MARCHF1: variants seen among roughly 807,000 people sequenced by gnomAD.
MARCHF1 encodes the protein E3 ubiquitin-protein ligase MARCHF1.
Under a neutral mutation model 54.2 loss-of-function variants are expected in MARCHF1, and 40 were observed. The observed-to-expected ratio is 0.74, with a 90% CI of 0.57 to 0.96. MARCHF1 has a LOEUF of 0.96. Among genes scored for constraint, MARCHF1 ranks in the 40% least tolerant of loss-of-function variants. The pLI is 0.00. For missense variants in MARCHF1, 586 were observed against 656.5 expected (o/e 0.89, Z 1.17); for synonymous variants, 236 against 236.3 (o/e 1.00, Z 0.01).
At chr4:163,926,511 A>G (rs1406971281) in intron 3 of MARCHF1, among the ~76,000 whole-genome samples, 3 of 151,614 alleles carry the variant, frequency 2.0e-5, no homozygotes, top group African/African-American at 7.2e-5. Context: ...TAGTAATGGA[A>G]TTTCTGGCAA....
chr4:164,264,691 T>C (rs1733559769), intron 1 of MARCHF1, among the ~76,000 whole-genome samples: 1 of 151,946 alleles, frequency 6.6e-6, no homozygotes, highest in East Asian at 1.9e-4. Context: ...AGGCCGATGC[T>C]GGTGGATCAC....
chr4:163,566,033 G>C (rs547445572), intron 8 of MARCHF1, among the ~76,000 whole-genome samples: 1 of 152,200 alleles, frequency 6.6e-6, no homozygotes, highest in Non-Finnish European at 1.5e-5. Flanking sequence ...GAACATGCTT[G>C]TTTCCTTCCC....
chr4:164,276,559 T>A (rs554864934), intron 1 of MARCHF1, among the ~76,000 whole-genome samples: 3 of 151,304 alleles, frequency 2.0e-5, no homozygotes, highest in South Asian at 4.1e-4. Flanking sequence ...AGTATATATA[T>A]AAATTACAAT....
At chr4:163,959,221 T>C (rs1219258724) in intron 3 of MARCHF1, among the ~76,000 whole-genome samples, 2 of 151,722 alleles carry the variant, frequency 1.3e-5, no homozygotes, top group East Asian at 1.9e-4. Context: ...TTCAGAGTAG[T>C]TCATTAAGCA....
chr4:163,819,037 C>A (rs546691679), intron 4 of MARCHF1, among the ~76,000 whole-genome samples: 1 of 152,240 alleles, frequency 6.6e-6, no homozygotes, highest in South Asian at 2.1e-4. Context: ...AATGATCCAT[C>A]ATCAGCATGG....
chr4:164,227,603 A>C (rs1005357989), intron 1 of MARCHF1, among the ~76,000 whole-genome samples: 1 of 152,186 alleles, frequency 6.6e-6, no homozygotes, highest in African/African-American at 2.4e-5. Context: ...TATTTACCTC[A>C]GTGATATTTT....
At chr4:163,970,506 T>C (rs777866476) in intron 3 of MARCHF1, among the ~76,000 whole-genome samples, 2 of 152,198 alleles carry the variant, frequency 1.3e-5, no homozygotes, top group Non-Finnish European at 2.9e-5. Flanking sequence ...CATAGATGAA[T>C]GGATGGATGA....
chr4:164,028,638 C>A (rs1453729456), intron 2 of MARCHF1, among the ~76,000 whole-genome samples: 1 of 152,096 alleles, frequency 6.6e-6, no homozygotes, highest in Non-Finnish European at 1.5e-5. Context: ...TGCTCACTAC[C>A]TGGGTGATGT....
chr4:164,290,308 T>C (rs1734257561), intron 1 of MARCHF1, among the ~76,000 whole-genome samples: 1 of 151,876 alleles, frequency 6.6e-6, no homozygotes, highest in African/African-American at 2.4e-5. Context: ...GAGAGACCTG[T>C]TAGTTAATTA....
intron 2 of MARCHF1, among the ~76,000 whole-genome samples, chr4:163,991,810 T>C (rs1752971481): frequency 6.6e-6 from 1 of 152,160 alleles, no homozygotes; most frequent in Non-Finnish European, 1.5e-5. Context: ...CTAAATTGTA[T>C]TTGTTTTGCT....
chr4:163,764,162 C>T (rs1011299311), intron 4 of MARCHF1, among the ~76,000 whole-genome samples: 4 of 151,902 alleles, frequency 2.6e-5, no homozygotes, highest in Non-Finnish European at 5.9e-5. Context: ...AGGCATTGTT[C>T]CAGCATTTTG....
intron 1 of MARCHF1, among the ~76,000 whole-genome samples, chr4:164,149,478 G>C (rs1385544753): frequency 6.6e-6 from 1 of 152,128 alleles, no homozygotes; most frequent in Non-Finnish European, 1.5e-5. Context: ...CCAGGGAATA[G>C]ACAAAGCCTA....
At chr4:163,610,577 T>C (rs190893883) in intron 7 of MARCHF1, among the ~76,000 whole-genome samples, 323 of 152,232 alleles carry the variant, frequency 2.1e-3, no homozygotes, top group African/African-American at 7.3e-3. Context: ...AAGCTAGATT[T>C]AGGGAATGAC....
At chr4:164,309,287 C>T (rs1211531526) in intron 1 of MARCHF1, among the ~76,000 whole-genome samples, 8 of 137,842 alleles carry the variant, frequency 5.8e-5, no homozygotes, top group Non-Finnish European at 4.9e-5. Flanking sequence ...TGTGTGTGCG[C>T]GTGTGTGTCT....
At chr4:163,968,608 G>A (rs1238323216) in intron 3 of MARCHF1, among the ~76,000 whole-genome samples, 1 of 152,080 alleles carries the variant, frequency 6.6e-6, no homozygotes, top group Non-Finnish European at 1.5e-5. Context: ...ACTCTATGCT[G>A]AGCACTTTAT....
intron 5 of MARCHF1, among the ~76,000 whole-genome samples, chr4:163,639,955 A>G (rs922200791): frequency 6.6e-6 from 1 of 152,096 alleles, no homozygotes; most frequent in East Asian, 1.9e-4. Flanking sequence ...ACTGATTCCA[A>G]CTTCATCTTC....
At chr4:164,343,611 A>G (rs1011785342) in intron 1 of MARCHF1, among the ~76,000 whole-genome samples, 3 of 152,228 alleles carry the variant, frequency 2.0e-5, no homozygotes, top group Non-Finnish European at 2.9e-5. Flanking sequence ...AGCAGCTAAC[A>G]ACCATATGAA....
At chr4:163,752,927 A>G (rs1746566306) in intron 4 of MARCHF1, among the ~76,000 whole-genome samples, 1 of 152,192 alleles carries the variant, frequency 6.6e-6, no homozygotes, top group African/African-American at 2.4e-5. Flanking sequence ...ACTACTTTGC[A>G]AAATAAATTT....
At chr4:163,721,560 G>A (rs1344272819) in intron 4 of MARCHF1, among the ~76,000 whole-genome samples, 1 of 152,186 alleles carries the variant, frequency 6.6e-6, no homozygotes, top group Non-Finnish European at 1.5e-5. Flanking sequence ...AGTTAGGGAG[G>A]ATTCCCTCTT....
Sources: gnomAD v4.1 joint callset for allele counts (sites outside exome capture counted in the v4.1 genomes callset) on GRCh38, gnomAD v4.1.1 for gene constraint, MANE v1.5 for transcripts, NCBI Gene and HGNC (gene_info 2026-07-23, HGNC 2026-07-21) for gene names.